The following PDE12 variants were observed in gnomAD, a reference collection of about 807,000 sequenced individuals.
The protein encoded by PDE12 is phosphodiesterase 12.
Under a neutral mutation model 45.4 loss-of-function variants are expected in PDE12, and 26 were observed. The observed-to-expected ratio is 0.57, with a 90% CI of 0.42 to 0.79. PDE12 has a LOEUF of 0.79. Among genes scored for constraint, PDE12 ranks in the 30% least tolerant of loss-of-function variants. The pLI, the probability that PDE12 is intolerant of heterozygous loss-of-function variation, is 0.00. For synonymous variants in PDE12, 283 were observed against 323.9 expected, an observed-to-expected ratio of 0.87 and a Z score of 1.36; for missense variants, 668 against 790.0, an observed-to-expected ratio of 0.85 and a Z score of 1.85.
the PDE12 span, among the ~76,000 whole-genome samples, chr3:57,633,987 C>CTGTT: frequency 2.0e-5 from 3 of 151,996 alleles, no homozygotes; most frequent in African/African-American, 7.2e-5. Flanking sequence ...CAGTCCCCTA[C>CTGTT]TGTTAGATGC....
the PDE12 span, among the ~76,000 whole-genome samples, chr3:57,617,892 A>C: frequency 6.6e-6 from 1 of 152,004 alleles, no homozygotes; most frequent in Non-Finnish European, 1.5e-5. Flanking sequence ...AAACAAAAAA[A>C]CCATAGTGGA....
At chr3:57,635,326 T>C in the PDE12 span, among the ~76,000 whole-genome samples, 3 of 152,160 alleles carry the variant, frequency 2.0e-5, no homozygotes, top group Non-Finnish European at 4.4e-5. Flanking sequence ...GAGCCACAGA[T>C]GGACAGGACT....
the PDE12 span, chr3:57,641,824 T>C: frequency 2.4e-6 from 3 of 1,247,562 alleles, no homozygotes; most frequent in Non-Finnish European, 3.4e-6. Context: ...ATAGTTTACT[T>C]TTTTTTTCAA....
Position 57,561,752 on chromosome 3 carries a change from C to G in PDE12, c.*1748C>G, listed in dbSNP as rs1220840627. 2 of 984,098 alleles carry G rather than the reference C, an allele frequency of 2.0e-6. No individual in the cohort carries two copies. The highest frequency in any genetic ancestry group is 1.7e-5 in the African/African-American group (1 of 57,184). The allele number at this position is 984,098 out of a possible 1,614,324, so 61.0% of individuals were successfully genotyped here. A position where few individuals can be genotyped will look rare whatever the true frequency, so the allele number is the denominator to read the frequency against. On this transcript the variant is annotated 3_prime_UTR_variant, in exon 3 of 3. Coordinates refer to ENST00000311180, the MANE Select transcript of PDE12 (RefSeq NM_177966.7). ...TCTGAACCTAGTATCATAAGAATTT[C>G]CTCTTTTGATAACATCTGTACTTTC...
At chr3:57,597,261 A>G in the PDE12 span, 8 of 983,994 alleles carry the variant, frequency 8.1e-6, no homozygotes, top group African/African-American at 1.3e-4. Flanking sequence ...AGGAAGAAAG[A>G]GGGAGGCAGA....
downstream of PDE12, among the ~76,000 whole-genome samples, chr3:57,567,560 A>C (rs138318961): frequency 6.1e-4 from 93 of 152,340 alleles, 2 homozygotes; most frequent in East Asian, 0.017. Context: ...GCATAGTAAG[A>C]AATAACAGCA....
chr3:57,605,743 C>G, the PDE12 span, among the ~76,000 whole-genome samples: 1 of 152,002 alleles, frequency 6.6e-6, no homozygotes, highest in Non-Finnish European at 1.5e-5. Flanking sequence ...AGTAATTGAT[C>G]AATTGAAACC....
rs1277839965 is a variant in PDE12, at chr3:57,561,411, G to A, written c.*1407G>A. ...ATTATAGTTTGAGTTACAGACAACA[G>A]TGTGTATATATGTAATATATATATA... On this transcript the variant is annotated 3_prime_UTR_variant, in exon 3 of 3. Transcript: ENST00000311180. 6.2e-6 allele frequency: 6 copies of A among 974,232 alleles called. No individual in the cohort carries two copies. In the East Asian group the frequency reaches 6.8e-4, roughly 111 times the overall value. 60.3% of individuals were successfully genotyped at this position (974,232 alleles called of 1,614,324 possible). A position where few individuals can be genotyped will look rare whatever the true frequency, so the allele number is the denominator to read the frequency against.
the PDE12 span, among the ~76,000 whole-genome samples, chr3:57,646,102 C>T: frequency 1.3e-5 from 2 of 152,202 alleles, no homozygotes; most frequent in Non-Finnish European, 2.9e-5. Context: ...ACAACAAAGG[C>T]ATGGTTCCAG....
chr3:57,605,262 G>A, the PDE12 span, among the ~76,000 whole-genome samples: 2 of 152,086 alleles, frequency 1.3e-5, no homozygotes, highest in Non-Finnish European at 2.9e-5. Context: ...AGAGAGGAGA[G>A]AGCAGCACAG....
chr3:57,609,076 G>T, the PDE12 span, among the ~76,000 whole-genome samples: 4 of 152,174 alleles, frequency 2.6e-5, no homozygotes, highest in African/African-American at 9.6e-5. Context: ...GCAGGATTAA[G>T]AAACTCACTC....
At chr3:57,579,662 T>C in the PDE12 span, among the ~76,000 whole-genome samples, 3 of 152,174 alleles carry the variant, frequency 2.0e-5, no homozygotes, top group Non-Finnish European at 4.4e-5. Context: ...CTAACACTTA[T>C]TTTACATCCA....
chr3:57,619,005 CAAATT>C, the PDE12 span, among the ~76,000 whole-genome samples: 1 of 152,034 alleles, frequency 6.6e-6, no homozygotes, highest in South Asian at 2.1e-4. Context: ...ATACATTTAA[CAAATT>C]AAATACATTT....
chr3:57,649,642 ATAT>A, the PDE12 span, among the ~76,000 whole-genome samples: 3 of 125,496 alleles, frequency 2.4e-5, no homozygotes, highest in Admixed American at 7.9e-5. Context: ...AAAAAAAAAA[ATAT>A]ATATATATAT....
chr3:57,617,655 G>A, the PDE12 span, among the ~76,000 whole-genome samples: 1 of 151,850 alleles, frequency 6.6e-6, no homozygotes, highest in South Asian at 2.1e-4. Context: ...TTGGGCCCAA[G>A]AGTTTGAGGC....
chr3:57,622,535 A>T, the PDE12 span, among the ~76,000 whole-genome samples: 7 of 152,282 alleles, frequency 4.6e-5, no homozygotes, highest in South Asian at 1.4e-3. Flanking sequence ...AAAGTTAAAC[A>T]TTCACCCACC....
the PDE12 span, among the ~76,000 whole-genome samples, chr3:57,609,134 T>C: frequency 6.6e-6 from 1 of 152,142 alleles, no homozygotes; most frequent in African/African-American, 2.4e-5. Context: ...CCTGAATGAC[T>C]ACTGGGTACA....
chr3:57,596,793 C>T, the PDE12 span: 1 of 399,226 alleles, frequency 2.5e-6, no homozygotes, highest in Non-Finnish European at 4.6e-6. Flanking sequence ...CATCTCTGCC[C>T]AATGTTGTCC....
chr3:57,625,729 A>G, the PDE12 span: 4 of 152,520 alleles, frequency 2.6e-5, no homozygotes, highest in African/African-American at 9.6e-5. Flanking sequence ...CATCATTTTT[A>G]CAAGTACATA....
Sources: allele counts gnomAD v4.1 joint callset (sites outside exome capture counted in the v4.1 genomes callset), GRCh38; gene constraint gnomAD v4.1.1; transcripts MANE v1.5; gene names NCBI Gene and HGNC (gene_info 2026-07-23, HGNC 2026-07-21).